Variants in CDH13 observed in about 807,000 individuals in gnomAD.
The protein encoded by CDH13 is cadherin-13.
In CDH13, 24 loss-of-function variants were observed where a neutral mutation model predicts 63.8. The ratio of observed to expected loss-of-function variants is 0.38; its 90% CI spans 0.27 to 0.53. The LOEUF (loss-of-function observed/expected upper bound fraction) is 0.53. Among genes scored for constraint, CDH13 ranks in the 20% least tolerant of loss-of-function variants. The pLI is 0.85. For missense variants in CDH13, 1,049 were observed against 903.1 expected (o/e 1.16, Z -2.07); for synonymous variants, 503 against 355.3 (o/e 1.42, Z -4.67).
At chr16:83,282,729 A>T (rs1456768321) in intron 5 of CDH13, among the ~76,000 whole-genome samples, 1 of 152,174 alleles carries the variant, frequency 6.6e-6, no homozygotes, top group African/African-American at 2.4e-5. Flanking sequence ...TGAGAGAATA[A>T]GTTTTCCTTT....
chr16:83,355,352 T>A (rs2091031980), intron 6 of CDH13, among the ~76,000 whole-genome samples: 1 of 152,248 alleles, frequency 6.6e-6, no homozygotes. Flanking sequence ...TTAATAGGTT[T>A]ATAAATTTTC....
At chr16:83,189,160 C>T (rs936179991) in intron 4 of CDH13, among the ~76,000 whole-genome samples, 3 of 152,128 alleles carry the variant, frequency 2.0e-5, no homozygotes, top group Admixed American at 6.5e-5. Context: ...TCACTTTGTT[C>T]GGTGTGTGCT....
chr16:82,756,930 C>G (rs1167889697), intron 1 of CDH13, among the ~76,000 whole-genome samples: 1 of 152,188 alleles, frequency 6.6e-6, no homozygotes, highest in African/African-American at 2.4e-5. Flanking sequence ...TTTGGGTCTT[C>G]TCTTGTCCCT....
chr16:82,653,642 G>T (rs1453770752), intron 1 of CDH13, among the ~76,000 whole-genome samples: 1 of 152,174 alleles, frequency 6.6e-6, no homozygotes, highest in African/African-American at 2.4e-5. Flanking sequence ...GTAGGAGGGA[G>T]CAGCCAGGGA....
chr16:82,839,429 G>A lies in CDH13; in HGVS notation c.46-18933G>A, dbSNP rs909562512. ...AATTTGCGTGTGCCATCAATTTCCTGCTGGGATTAAGATACCTGGCAGTGC... is the reference window on the plus strand; with the variant it reads ...AATTTGCGTGTGCCATCAATTTCCTACTGGGATTAAGATACCTGGCAGTGC... On this transcript the variant is annotated intron_variant, in intron 1 of 13. Coordinates refer to ENST00000567109, the MANE Select transcript of CDH13 (RefSeq NM_001257.5). Among the ~76,000 whole-genome samples the A allele has an allele frequency of 9.8e-5, 15 of 152,304 alleles. No homozygotes were observed. The South Asian group carries it at 3.1e-3, about 32-fold the overall frequency.
chr16:83,068,325 A>G (rs1285072782), intron 3 of CDH13, among the ~76,000 whole-genome samples: 1 of 152,178 alleles, frequency 6.6e-6, no homozygotes, highest in Non-Finnish European at 1.5e-5. Flanking sequence ...ATCTAGAATA[A>G]CTGAGGCTTA....
intron 5 of CDH13, among the ~76,000 whole-genome samples, chr16:83,223,082 C>G (rs1431523320): frequency 2.2e-4 from 21 of 94,984 alleles, no homozygotes. Context: ...TTGAGAACCA[C>G]TGTTAGAGAG....
chr16:83,152,382 A>G (rs2037021557), intron 4 of CDH13, among the ~76,000 whole-genome samples: 1 of 152,242 alleles, frequency 6.6e-6, no homozygotes, highest in Non-Finnish European at 1.5e-5. Flanking sequence ...TAAAAATACT[A>G]TTAAGGGAAA....
chr16:82,764,148 A>G (rs2034959810), intron 1 of CDH13, among the ~76,000 whole-genome samples: 1 of 152,114 alleles, frequency 6.6e-6, no homozygotes, highest in Non-Finnish European at 1.5e-5. Flanking sequence ...AGTAGGTGTT[A>G]TTTGTATTAT....
chr16:83,565,802 C>G (rs902941963), intron 7 of CDH13, among the ~76,000 whole-genome samples: 17 of 151,580 alleles, frequency 1.1e-4, no homozygotes, highest in Non-Finnish European at 2.5e-4. Flanking sequence ...TTTCTGGCTT[C>G]TGACTTTTCT....
intron 2 of CDH13, among the ~76,000 whole-genome samples, chr16:82,880,209 C>T (rs911133347): frequency 6.6e-6 from 1 of 152,024 alleles, no homozygotes; most frequent in Non-Finnish European, 1.5e-5. Context: ...AATGAGAGGC[C>T]TTTGCTTCTC....
At chr16:82,657,225 C>G (rs945662624) in intron 1 of CDH13, among the ~76,000 whole-genome samples, 4 of 152,042 alleles carry the variant, frequency 2.6e-5, no homozygotes, top group African/African-American at 7.2e-5. Context: ...AAATGAGGCA[C>G]AGTAAGAGAT....
chr16:82,853,073 T>C (rs1422568811), intron 1 of CDH13, among the ~76,000 whole-genome samples: 1 of 152,192 alleles, frequency 6.6e-6, no homozygotes, highest in Non-Finnish European at 1.5e-5. Context: ...ATTTAAGAAT[T>C]TGCTTTCTGT....
chr16:82,873,372 C>A (rs1323829471), intron 2 of CDH13, among the ~76,000 whole-genome samples: 1 of 152,216 alleles, frequency 6.6e-6, no homozygotes. Context: ...AGTGGTGTTA[C>A]AATCCTCTGA....
intron 7 of CDH13, among the ~76,000 whole-genome samples, chr16:83,525,264 T>C (rs139678086): frequency 6.6e-4 from 100 of 152,324 alleles, no homozygotes; most frequent in African/African-American, 2.4e-3. Context: ...TCCTGATAAC[T>C]GGCATTTACT....
rs369288331 is a variant in CDH13 at position 83,006,932 on chromosome 16, G to GT, written c.158-25070dup. Among the ~76,000 whole-genome samples the GT allele has an allele frequency of 2.2e-4, 27 of 121,756 alleles. 2 individuals carry two copies. The highest frequency in any genetic ancestry group is 6.8e-4 in the African/African-American group (21 of 31,092). 79.9% of individuals were successfully genotyped at this position (121,756 alleles called of 152,430 possible). On this transcript the variant is annotated intron_variant, in intron 2 of 13. Coordinates refer to ENST00000567109, the MANE Select transcript of CDH13 (RefSeq NM_001257.5). ...TGTTTGTTTGTTTGTTTGTTTGTTT[G>GT]TTTTTTTTGAGACAGAGTTTCACTC...
chr16:83,431,929 A>T (rs367628673), intron 6 of CDH13, among the ~76,000 whole-genome samples: 119 of 152,308 alleles, frequency 7.8e-4, no homozygotes, highest in African/African-American at 2.7e-3. Context: ...GCAGTGATAC[A>T]TACGGCCATT....
At chr16:83,788,720 C>T (rs1419384450) in intron 13 of CDH13, among the ~76,000 whole-genome samples, 1 of 152,204 alleles carries the variant, frequency 6.6e-6, no homozygotes, top group African/African-American at 2.4e-5. Context: ...GGTACACTAG[C>T]TGTGAAATAC....
chr16:83,109,240 G>A (rs977091451), intron 3 of CDH13, among the ~76,000 whole-genome samples: 14 of 152,142 alleles, frequency 9.2e-5, no homozygotes, highest in African/African-American at 3.1e-4. Context: ...ATGGATTCCT[G>A]GGAAATTTTC....
Sources: allele counts gnomAD v4.1 joint callset (sites outside exome capture counted in the v4.1 genomes callset), GRCh38; gene constraint gnomAD v4.1.1; transcripts MANE v1.5; gene names NCBI Gene and HGNC (gene_info 2026-07-23, HGNC 2026-07-21).